The following OCA2 variants were observed in gnomAD, a reference collection of about 807,000 sequenced individuals.
OCA2 encodes OCA2 melanosomal transmembrane protein.
A neutral mutation model predicts 100.2 loss-of-function variants in OCA2; 77 were observed. That is an observed-to-expected ratio of 0.77 (90% confidence interval 0.64 to 0.93). The LOEUF (loss-of-function observed/expected upper bound fraction) is 0.93. Ranked by LOEUF, OCA2 falls within the 40% of genes least tolerant of loss-of-function variation. The probability of loss-of-function intolerance (pLI) is 0.00; values close to 1 mark genes in which losing one functional copy is unlikely to be tolerated. For missense variants in OCA2, 1,062 were observed against 1,089.1 expected, an observed-to-expected ratio of 0.98 and a Z score of 0.35; for synonymous variants, 432 against 439.2, an observed-to-expected ratio of 0.98 and a Z score of 0.21.
chr15:27,921,180 A>G (rs993809379), intron 19 of OCA2, among the ~76,000 whole-genome samples: 1 of 152,176 alleles, frequency 6.6e-6, no homozygotes, highest in African/African-American at 2.4e-5. Flanking sequence ...ACACTATTGA[A>G]AGACAAAGTA....
intron 9 of OCA2, among the ~76,000 whole-genome samples, chr15:27,992,752 A>C (rs1014700260): frequency 6.6e-6 from 1 of 152,084 alleles, no homozygotes; most frequent in Non-Finnish European, 1.5e-5. Flanking sequence ...CTGTGACCTC[A>C]CTCTATGACA....
intron 23 of OCA2, among the ~76,000 whole-genome samples, chr15:27,802,117 A>C (rs527835919): frequency 6.6e-6 from 1 of 152,318 alleles, no homozygotes; most frequent in African/African-American, 2.4e-5. Context: ...GCAGGATATA[A>C]GATCCATACG....
the OCA2 span, among the ~76,000 whole-genome samples, chr15:27,738,381 G>A: frequency 6.6e-6 from 1 of 152,150 alleles, no homozygotes; most frequent in South Asian, 2.1e-4. Flanking sequence ...CATAAATATC[G>A]TGTGGGGCAA....
chr15:28,065,072 A>G (rs1285142102), intron 2 of OCA2, among the ~76,000 whole-genome samples: 2 of 152,114 alleles, frequency 1.3e-5, no homozygotes, highest in Non-Finnish European at 2.9e-5. Flanking sequence ...GAGATTTTAC[A>G]AGCAAACCAG....
At chr15:27,990,504 T>C in intron 10 of OCA2, 72 bp downstream of exon 10, 1 of 1,481,990 alleles carries the variant, frequency 6.7e-7, no homozygotes. Context: ...AGCGAAAGCC[T>C]GAATCCTGGA....
At chr15:27,805,971 G>A (rs1273489702) in intron 23 of OCA2, among the ~76,000 whole-genome samples, 1 of 152,236 alleles carries the variant, frequency 6.6e-6, no homozygotes, top group Non-Finnish European at 1.5e-5. Context: ...CCACTGCGGA[G>A]TTACAGTGCA....
chr15:27,941,587 G>A (rs1021666306), intron 18 of OCA2, among the ~76,000 whole-genome samples: 1 of 152,238 alleles, frequency 6.6e-6, no homozygotes, highest in South Asian at 2.1e-4. Context: ...AAAGGAGACC[G>A]CAACCAACGA....
At chr15:28,082,939 T>C (rs766851712) in intron 1 of OCA2, among the ~76,000 whole-genome samples, 17 of 152,190 alleles carry the variant, frequency 1.1e-4, no homozygotes, top group Non-Finnish European at 2.4e-4. Context: ...TTTTATTTTT[T>C]GCATTTTCAA....
rs916507108 is a variant in OCA2, at chr15:27,965,791, G to A, written c.1636+899C>T. ...GCACAGCATCCATATTCTGGAGCTCGTCAAGGAAAGGCTGCTTGTTTCCCA... is the reference window on the plus strand; with the variant it reads ...GCACAGCATCCATATTCTGGAGCTCATCAAGGAAAGGCTGCTTGTTTCCCA... On this transcript the variant is annotated intron_variant, in intron 15 of 23. Coordinates refer to ENST00000354638, the MANE Select transcript of OCA2 (RefSeq NM_000275.3). Among the ~76,000 whole-genome samples the A allele has an allele frequency of 3.9e-5, 6 of 152,236 alleles. No individual in the cohort carries two copies. In the East Asian group the frequency reaches 7.7e-4, roughly 20 times the overall value.
At chr15:27,891,218 T>C (rs1462058091) in intron 19 of OCA2, among the ~76,000 whole-genome samples, 1 of 152,206 alleles carries the variant, frequency 6.6e-6, no homozygotes, top group Non-Finnish European at 1.5e-5. Context: ...ATTGTCACAC[T>C]TCACTCAAAG....
chr15:27,806,264 T>C (rs2033842891), intron 23 of OCA2, among the ~76,000 whole-genome samples: 1 of 152,182 alleles, frequency 6.6e-6, no homozygotes, highest in Non-Finnish European at 1.5e-5. Context: ...AAGCAGAACT[T>C]TCTAGAGAGA....
chr15:27,826,215 A>G lies in OCA2; in HGVS notation c.2432+18744T>C, dbSNP rs114073979. ...CCAGGCGCCCTGTTAGGGAAGGTGC[A>G]GAGTTGTGTATCAGGCAGTTTTCTG... On this transcript the variant is annotated intron_variant, in intron 23 of 23. Transcript: ENST00000354638. 5.8e-3 allele frequency among the ~76,000 whole-genome samples: 889 copies of G among 152,340 alleles called. 14 individuals are homozygous for G. Among genetic ancestry groups the G allele is most frequent in the African/African-American group, 0.02 (831 of 41,578 alleles).
chr15:27,889,642 C>A (rs1297129179), intron 19 of OCA2, among the ~76,000 whole-genome samples: 2 of 152,204 alleles, frequency 1.3e-5, no homozygotes, highest in Middle Eastern at 3.2e-3. Context: ...CAAAGCCTCA[C>A]TGCCCTTCAT....
chr15:27,765,441 T>G (rs1022507697), intron 23 of OCA2, among the ~76,000 whole-genome samples: 2 of 152,174 alleles, frequency 1.3e-5, no homozygotes, highest in African/African-American at 4.8e-5. Context: ...ACTCCATGAT[T>G]TAGCAAGAGA....
intron 19 of OCA2, among the ~76,000 whole-genome samples, chr15:27,910,937 C>G (rs2038370761): frequency 6.6e-6 from 1 of 150,648 alleles, no homozygotes; most frequent in South Asian, 2.1e-4. Context: ...GCCTGGGCAA[C>G]AGAGTGAGAC....
chr15:27,759,779 C>A (rs537788199), intron 23 of OCA2, among the ~76,000 whole-genome samples: 1 of 151,012 alleles, frequency 6.6e-6, no homozygotes, highest in Non-Finnish European at 1.5e-5. Flanking sequence ...GACTTTTATT[C>A]TCTCTCTCTG....
At chr15:27,862,276 G>A (rs1365402587) in intron 21 of OCA2, among the ~76,000 whole-genome samples, 1 of 151,678 alleles carries the variant, frequency 6.6e-6, no homozygotes, top group Non-Finnish European at 1.5e-5. Flanking sequence ...GTGGTCGTCA[G>A]CCTCAAGTCC....
chr15:27,842,559 C>T (rs2035379872), intron 23 of OCA2, among the ~76,000 whole-genome samples: 1 of 152,146 alleles, frequency 6.6e-6, no homozygotes, highest in South Asian at 2.1e-4. Context: ...TAACCATTCC[C>T]TGGGCAAAAA....
rs796194378 is a variant in OCA2 at position 27,910,954 on chromosome 15, T to TA, written c.2079+15172dup. 9.5e-4 allele frequency among the ~76,000 whole-genome samples: 139 copies of TA among 145,684 alleles called. 3 individuals carry two copies. Among genetic ancestry groups the TA allele is most frequent in the African/African-American group, 3.1e-3 (121 of 39,470 alleles). On this transcript the variant is annotated intron_variant, in intron 19 of 23. Transcript: ENST00000354638. The stretch of plus-strand genomic sequence containing the variant: ...CTGGGCAACAGAGTGAGACTCCATC[T>TA]AAAAAAAAAGAAAGAAAGAAAAAAA...
Sources: gnomAD v4.1 joint callset for allele counts (sites outside exome capture counted in the v4.1 genomes callset) on GRCh38, gnomAD v4.1.1 for gene constraint, MANE v1.5 for transcripts, NCBI Gene and HGNC (gene_info 2026-07-23, HGNC 2026-07-21) for gene names.